The following TMEM108 variants were observed in gnomAD, a reference collection of about 807,000 sequenced individuals.
TMEM108 encodes cancer/testis antigen 124.
Under a neutral mutation model 35.1 loss-of-function variants are expected in TMEM108, and 12 were observed. The observed-to-expected ratio is 0.34, with a 90% CI of 0.22 to 0.55. The LOEUF is 0.55. Ranked by LOEUF, TMEM108 falls within the 20% of genes least tolerant of loss-of-function variation. TMEM108 has a pLI of 0.89. For synonymous variants in TMEM108, 287 were observed against 308.6 expected (o/e 0.93, Z 0.73); for missense variants, 680 against 753.3 (o/e 0.90, Z 1.14).
intron 2 of TMEM108, among the ~76,000 whole-genome samples, chr3:133,054,554 G>A (rs1279729903): frequency 6.6e-6 from 1 of 152,208 alleles, no homozygotes. Context: ...GTAAAAATAA[G>A]TTCCATACAA....
chr3:133,261,446 A>G (rs1425525454), intron 3 of TMEM108, among the ~76,000 whole-genome samples: 1 of 152,214 alleles, frequency 6.6e-6, no homozygotes, highest in African/African-American at 2.4e-5. Flanking sequence ...AAGAAAGCAG[A>G]CATCGTCACT....
intron 3 of TMEM108, among the ~76,000 whole-genome samples, chr3:133,355,827 A>G (rs2107781128): frequency 6.6e-6 from 1 of 152,358 alleles, no homozygotes; most frequent in Middle Eastern, 3.4e-3. Flanking sequence ...TAAGGATAGA[A>G]TAAAGATTGT....
chr3:133,111,756 T>A (rs1209648537), intron 2 of TMEM108, among the ~76,000 whole-genome samples: 2 of 152,164 alleles, frequency 1.3e-5, no homozygotes, highest in Non-Finnish European at 2.9e-5. Flanking sequence ...CAAGGTGGCT[T>A]GTTCTTCATA....
intron 2 of TMEM108, among the ~76,000 whole-genome samples, chr3:133,140,984 C>G (rs530588051): frequency 6.6e-6 from 1 of 152,244 alleles, no homozygotes; most frequent in South Asian, 2.1e-4. Context: ...CCACAGTAGA[C>G]TAGGGGAGAG....
intron 3 of TMEM108, among the ~76,000 whole-genome samples, chr3:133,292,163 GA>G (rs1947078862): frequency 9.4e-6 from 1 of 106,142 alleles, no homozygotes; most frequent in African/African-American, 2.9e-5. Context: ...GGGAAGAAGA[GA>G]ATGTTTTTTT....
chr3:133,200,437 C>G (rs1945646301), intron 2 of TMEM108, among the ~76,000 whole-genome samples: 1 of 152,212 alleles, frequency 6.6e-6, no homozygotes, highest in Admixed American at 6.5e-5. Context: ...TCTGCAGGCA[C>G]TTGCTGTCCC....
chr3:133,388,248 A>C, intron 4 of TMEM108: 1 of 985,506 alleles, frequency 1.0e-6, no homozygotes, highest in Non-Finnish European at 1.2e-6. Context: ...GAGCAGAGTG[A>C]AAGGTAGTGA....
intron 2 of TMEM108, among the ~76,000 whole-genome samples, chr3:133,083,809 G>A (rs1294258068): frequency 4.6e-5 from 7 of 151,998 alleles, no homozygotes; most frequent in Non-Finnish European, 1.5e-5. Context: ...GGGTGAAGGT[G>A]ATTCTGTTCA....
chr3:133,384,244 A>T (rs963799195), intron 4 of TMEM108, among the ~76,000 whole-genome samples: 3 of 131,224 alleles, frequency 2.3e-5, no homozygotes, highest in African/African-American at 8.6e-5. Context: ...CTGAGTCAGG[A>T]GTAAAGTGCA....
Position 133,123,813 on chromosome 3 carries a change from T to C in TMEM108, c.-47+77793T>C, listed in dbSNP as rs138922803. 3.4e-3 allele frequency among the ~76,000 whole-genome samples: 515 copies of C among 152,362 alleles called. 1 individual carries two copies. Among genetic ancestry groups the C allele is most frequent in the Non-Finnish European group, 6.0e-3 (408 of 68,036 alleles). ...CCCATGTCAACTTTCAGTTCTGTTG[T>C]CGGCCTAAATTGGCAACTCTCTGCT... On this transcript the variant is annotated intron_variant, in intron 2 of 5. Transcript: ENST00000321871.
At chr3:133,305,449 G>A (rs916594072) in intron 3 of TMEM108, among the ~76,000 whole-genome samples, 14 of 151,704 alleles carry the variant, frequency 9.2e-5, no homozygotes, top group Non-Finnish European at 1.8e-4. Context: ...CACCAGCATG[G>A]CACATGTATA....
intron 4 of TMEM108, among the ~76,000 whole-genome samples, chr3:133,385,529 C>G (rs1576541418): frequency 6.6e-6 from 1 of 152,244 alleles, no homozygotes; most frequent in East Asian, 1.9e-4. Flanking sequence ...CCTCCCTCAG[C>G]CTCCAAAGGA....
chr3:133,239,544 A>G (rs967350644), intron 3 of TMEM108, among the ~76,000 whole-genome samples: 3 of 152,176 alleles, frequency 2.0e-5, no homozygotes, highest in African/African-American at 7.2e-5. Flanking sequence ...GGCTGGGGTC[A>G]CTAGCTTTGA....
intron 3 of TMEM108, among the ~76,000 whole-genome samples, chr3:133,249,839 C>T (rs1200532267): frequency 6.6e-6 from 1 of 151,934 alleles, no homozygotes. Flanking sequence ...GAACAAAGAG[C>T]TTTTAAATTA....
intron 3 of TMEM108, among the ~76,000 whole-genome samples, chr3:133,253,986 G>A (rs539353591): frequency 6.6e-6 from 1 of 152,198 alleles, no homozygotes; most frequent in East Asian, 1.9e-4. Flanking sequence ...CAGCACTACT[G>A]GGGTTCCTAA....
intron 3 of TMEM108, among the ~76,000 whole-genome samples, chr3:133,295,826 C>T (rs1030351251): frequency 6.6e-6 from 1 of 152,164 alleles, no homozygotes; most frequent in Admixed American, 6.5e-5. Context: ...TAAGCAACAT[C>T]AGCATTGCAG....
intron 3 of TMEM108, among the ~76,000 whole-genome samples, chr3:133,231,807 A>G (rs1946157534): frequency 6.6e-6 from 1 of 152,176 alleles, no homozygotes; most frequent in Non-Finnish European, 1.5e-5. Context: ...TTAATATAGA[A>G]GCTATACCCT....
At chr3:133,299,628 G>A (rs1265451039) in intron 3 of TMEM108, among the ~76,000 whole-genome samples, 1 of 152,104 alleles carries the variant, frequency 6.6e-6, no homozygotes. Flanking sequence ...ATCTCACAGG[G>A]CATTTCTTTA....
intron 3 of TMEM108, among the ~76,000 whole-genome samples, chr3:133,302,309 A>C (rs1460730657): frequency 6.6e-6 from 1 of 152,130 alleles, no homozygotes; most frequent in African/African-American, 2.4e-5. Context: ...TGCTTACCAG[A>C]CTTTACCTAG....
Sources: allele counts gnomAD v4.1 joint callset (sites outside exome capture counted in the v4.1 genomes callset), GRCh38; gene constraint gnomAD v4.1.1; transcripts MANE v1.5; gene names NCBI Gene and HGNC (gene_info 2026-07-23, HGNC 2026-07-21).